Variants in SLC30A9 observed in about 807,000 individuals in gnomAD.
The protein encoded by SLC30A9 is proton-coupled zinc antiporter SLC30A9, mitochondrial.
A neutral mutation model predicts 87.5 loss-of-function variants in SLC30A9; 58 were observed. That is an observed-to-expected ratio of 0.66 (90% confidence interval 0.54 to 0.82). SLC30A9 has a LOEUF of 0.82. SLC30A9 is among the 40% of genes least tolerant of loss of function. SLC30A9 has a pLI of 0.00. For synonymous variants in SLC30A9, 234 were observed against 233.0 expected, an observed-to-expected ratio of 1.00 and a Z score of -0.04; for missense variants, 557 against 679.1, an observed-to-expected ratio of 0.82 and a Z score of 2.00.
At chr4:42,073,201 T>A (rs1031256940) in intron 15 of SLC30A9, among the ~76,000 whole-genome samples, 3 of 152,196 alleles carry the variant, frequency 2.0e-5, no homozygotes, top group African/African-American at 7.2e-5. Context: ...AGTCTCTAGT[T>A]ATTGTTGTTG....
At chr4:42,041,577 A>T (rs570229141) in intron 8 of SLC30A9, among the ~76,000 whole-genome samples, 23 of 152,262 alleles carry the variant, frequency 1.5e-4, no homozygotes, top group South Asian at 6.2e-4. Flanking sequence ...CTACAAAAAA[A>T]TTTTTTTAAT....
At chr4:42,049,500 T>TA in intron 9 of SLC30A9, 21 bp downstream of exon 9, 1 of 1,308,298 alleles carries the variant, frequency 7.6e-7, no homozygotes, top group South Asian at 1.4e-5. Context: ...AAGCTTTTTT[T>TA]ATAAGTCAAT....
intron 9 of SLC30A9, among the ~76,000 whole-genome samples, chr4:42,051,636 A>G (rs1717388367): frequency 6.6e-6 from 1 of 152,254 alleles, no homozygotes; most frequent in African/African-American, 2.4e-5. Flanking sequence ...TTAACAGCAC[A>G]TTAGACACTG....
In SLC30A9 at chr4:42,001,770, A is replaced by G. The variant is rs1188119497; in HGVS notation, c.264A>G (p.Ser88=). 1 of 1,607,768 alleles carries G rather than the reference A, an allele frequency of 6.2e-7. No individual in the cohort carries two copies. Among genetic ancestry groups the G allele is most frequent in the East Asian group, 2.2e-5 (1 of 44,736 alleles). ...SQTLRVEKVP[S]FETAEGIGTE... ...CACTCAGAGTGGAAAAAGTACCATCATTTGAAACAGGTATGTGTAATTTTT... is the reference window on the plus strand; with the variant it reads ...CACTCAGAGTGGAAAAAGTACCATCGTTTGAAACAGGTATGTGTAATTTTT... The change falls in exon 2 of 18, where the codon TCA becomes TCG. Residue 88 remains serine (S), a synonymous_variant. Transcript: ENST00000264451.
At chr4:42,029,716 G>A in intron 6 of SLC30A9, 1 of 738,762 alleles carries the variant, frequency 1.4e-6, no homozygotes, top group Middle Eastern at 2.4e-4. Flanking sequence ...AAAACTTACA[G>A]CTACGAAGAG....
Position 41,990,534 on chromosome 4 carries a change from A to C in SLC30A9, c.-118A>C. ...GTTGCCGTTTCCGGGTCACCCAGGC[A>C]GCTTGTGGCGGCGAAGCCATCGGTG... is the stretch of plus-strand genomic sequence containing the variant. On this transcript the variant is annotated 5_prime_UTR_variant, in exon 1 of 18. Coordinates refer to ENST00000264451, the MANE Select transcript of SLC30A9 (RefSeq NM_006345.4). 6.8e-6 allele frequency: 4 copies of C among 589,802 alleles called. No homozygotes were observed. The highest frequency in any genetic ancestry group is 1.2e-5 in the Non-Finnish European group (4 of 341,804). The allele number at this position is 589,802 out of a possible 1,614,324, so 36.5% of individuals were successfully genotyped here. A position where few individuals can be genotyped will look rare whatever the true frequency, so the allele number is the denominator to read the frequency against.
rs1229107107 is a variant in SLC30A9, at chr4:42,035,309, C to T, written c.645C>T (p.Tyr215=). Residue 215 remains tyrosine (Y), a synonymous_variant, in exon 7 of 18, where the codon TAC becomes TAT. Transcript: ENST00000264451. ...GAAACCAAAAAATATTAAGAGAATA[C>T]AGAGATTTCTTGGGAAATACCAAGG... ...LFRNQKILRE[Y]RDFLGNTKPR... The T allele has an allele frequency of 6.2e-7, 1 of 1,602,214 alleles. No individual in the cohort carries two copies. The highest frequency in any genetic ancestry group is 1.3e-5 in the African/African-American group (1 of 74,584).
intron 3 of SLC30A9, 110 bp from the exon 4 acceptor site, chr4:42,020,306 C>A: frequency 1.8e-6 from 1 of 550,842 alleles, no homozygotes; most frequent in Non-Finnish European, 3.2e-6. Flanking sequence ...TGAAAAAGAT[C>A]AGTTTTCTGT....
At position 42,001,667 on chromosome 4, in the gene SLC30A9, G is replaced by T; in HGVS notation, c.161G>T (p.Ser54Ile). ...FGSFSNMVPC[S>I]HPYIGTLSQV... ...AGCTTTTCAAACATGGTTCCCTGTAGTCATCCATATATTGGTACCCTGAGT... is the reference window on the plus strand; with the variant it reads ...AGCTTTTCAAACATGGTTCCCTGTATTCATCCATATATTGGTACCCTGAGT... The change falls in exon 2 of 18, where the codon AGT (serine) becomes ATT (isoleucine). Residue 54 changes from serine to isoleucine, a missense_variant. By Grantham distance (142) the Ser-to-Ile change is moderately radical. Around this residue, in one of 2 missense-constraint regions of SLC30A9, gnomAD observed 467 missense variants for 529.8 expected, o/e 0.88. Transcript: ENST00000264451. 6.2e-7 allele frequency: 1 copy of T among 1,606,958 alleles called. No individual in the cohort carries two copies. The highest frequency in any genetic ancestry group is 8.5e-7 in the Non-Finnish European group (1 of 1,174,298).
At chr4:42,045,874 C>T (rs1260999124) in intron 8 of SLC30A9, among the ~76,000 whole-genome samples, 1 of 152,182 alleles carries the variant, frequency 6.6e-6, no homozygotes, top group Non-Finnish European at 1.5e-5. Flanking sequence ...CTTATCACCA[C>T]CATCAAGTTG....
chr4:42,084,718 G>A (rs28620429), intron 17 of SLC30A9, among the ~76,000 whole-genome samples: 99,282 of 152,070 alleles, frequency 0.65, 36,904 homozygotes, highest in East Asian at 0.96. Flanking sequence ...TGATCCGCCC[G>A]CCTCGGCCTC....
Position 42,028,905 on chromosome 4 carries a change from AT to A in SLC30A9, c.610+5526del, listed in dbSNP as rs574917662. ...AAAATTAGGTTTTGCTGCAGACGTTATTTTTCTTAATGCATTCAGTGTAAAA... is the reference window on the plus strand; with the variant it reads ...AAAATTAGGTTTTGCTGCAGACGTTATTTTCTTAATGCATTCAGTGTAAAA... On this transcript the variant is annotated intron_variant, in intron 6 of 17. Coordinates refer to ENST00000264451, the MANE Select transcript of SLC30A9 (RefSeq NM_006345.4). Among the ~76,000 whole-genome samples, 210 of 152,320 alleles carry A rather than the reference AT, an allele frequency of 1.4e-3. 3 individuals are homozygous for A. The highest frequency in any genetic ancestry group is 0.012 in the Admixed American group (184 of 15,300).
chr4:42,063,533 C>T lies in SLC30A9; in HGVS notation c.1032+412C>T, dbSNP rs1227454047. Among the ~76,000 whole-genome samples, 6 of 152,140 alleles carry T rather than the reference C, an allele frequency of 3.9e-5. No homozygotes were observed. In the East Asian group the frequency reaches 5.8e-4, roughly 15 times the overall value. On this transcript the variant is annotated intron_variant, in intron 11 of 17. Coordinates refer to ENST00000264451, the MANE Select transcript of SLC30A9 (RefSeq NM_006345.4). ...TTTGAAGTTAAAGCTTCTCTTTTCC[C>T]GCATCCTGGGCTTCCTTCAGGTAGG... is the stretch of plus-strand genomic sequence containing the variant.
chr4:42,060,378 A>G (rs188718393), intron 10 of SLC30A9, 132 bp downstream of exon 10: 8 of 701,298 alleles, frequency 1.1e-5, no homozygotes, highest in Admixed American at 2.2e-5. Context: ...CCACTGTAGT[A>G]TCTAAAATGC....
intron 2 of SLC30A9, 119 bp from the exon 3 acceptor site, chr4:42,017,992 C>G: frequency 1.7e-6 from 1 of 597,686 alleles, no homozygotes; most frequent in Non-Finnish European, 3.0e-6. Context: ...ATGAATCCAA[C>G]ATGGTCTGAT....
In SLC30A9 at chr4:42,001,751, G is replaced by T. The variant is rs148515839; in HGVS notation, c.245G>T (p.Arg82Ile). 229 of 1,609,852 alleles carry T rather than the reference G, an allele frequency of 1.4e-4. No individual in the cohort carries two copies. The African/African-American group carries it at 2.7e-3, about 19-fold the overall frequency. ...GAAGGACAGGGATCACAAACACTCA[G>T]AGTGGAAAAAGTACCATCATTTGAA... ...QKEGQGSQTL[R>I]VEKVPSFETA... is the part of the protein sequence containing the mutation. Residue 82 changes from arginine to isoleucine, a missense_variant, in exon 2 of 18, where the codon AGA becomes ATA. Arg to Ile is a moderately conservative substitution (Grantham distance 97). Coordinates refer to ENST00000264451, the MANE Select transcript of SLC30A9 (RefSeq NM_006345.4).
chr4:42,078,119 C>T (rs1055032695), intron 16 of SLC30A9, 93 bp from the exon 17 acceptor site: 3 of 595,136 alleles, frequency 5.0e-6, no homozygotes, highest in South Asian at 4.7e-5. Flanking sequence ...AACTTAATGG[C>T]GTTTGTTATA....
chr4:42,020,380 G>A, intron 3 of SLC30A9, 36 bp from the exon 4 acceptor site: 1 of 978,036 alleles, frequency 1.0e-6, no homozygotes, highest in South Asian at 1.5e-5. Context: ...GACTTTCAAT[G>A]TGCATATTTA....
intron 6 of SLC30A9, among the ~76,000 whole-genome samples, chr4:42,030,573 G>C (rs1402334379): frequency 1.3e-5 from 2 of 149,510 alleles, no homozygotes; most frequent in Non-Finnish European, 1.5e-5. Flanking sequence ...GAATGAAACT[G>C]GCATGGTCTT....
Sources: gnomAD v4.1 joint callset for allele counts (sites outside exome capture counted in the v4.1 genomes callset) on GRCh38, gnomAD v4.1.1 for gene constraint, gnomAD v4.1.1 regional missense constraint, MANE v1.5 for transcripts, NCBI Gene and HGNC (gene_info 2026-07-23, HGNC 2026-07-21) for gene names.